The following TUSC3 variants were observed in gnomAD, a reference collection of about 807,000 sequenced individuals.
The protein encoded by TUSC3 is dolichyl-diphosphooligosaccharide--protein glycosyltransferase subunit TUSC3.
In TUSC3, 45 loss-of-function variants were observed where a neutral mutation model predicts 44.8. The ratio of observed to expected loss-of-function variants is 1.00; its 90% CI spans 0.79 to 1.29. The LOEUF is 1.29. Ranked by LOEUF, TUSC3 falls within the 50% of genes most tolerant of loss-of-function variation. The pLI is 0.00. For missense variants in TUSC3, 519 were observed against 437.9 expected, an observed-to-expected ratio of 1.19 and a Z score of -1.65; for synonymous variants, 212 against 152.9, an observed-to-expected ratio of 1.39 and a Z score of -2.85.
downstream of TUSC3, among the ~76,000 whole-genome samples, chr8:15,769,808 G>A (rs1018063809): frequency 6.6e-6 from 1 of 152,138 alleles, no homozygotes; most frequent in Admixed American, 6.5e-5. Context: ...GCCCACAAAC[G>A]TTAAAGAAAG....
chr8:15,591,009 A>G (rs1803813311), intron 1 of TUSC3, among the ~76,000 whole-genome samples: 1 of 152,182 alleles, frequency 6.6e-6, no homozygotes, highest in African/African-American at 2.4e-5. Flanking sequence ...ATAAAGAAGT[A>G]GGAGAAATCT....
rs566052201 is a variant in TUSC3 at position 15,609,929 on chromosome 8, C to G, written c.139-13151C>G. 2.6e-5 allele frequency among the ~76,000 whole-genome samples: 4 copies of G among 152,044 alleles called. No homozygotes were observed. The South Asian group carries it at 8.3e-4, about 32-fold the overall frequency. ...ATATTACCTTCTATCTTTCCACTTA[C>G]TGTTATGATATAATTTTCTTACTAG... On this transcript the variant is annotated intron_variant, in intron 1 of 10. Transcript: ENST00000503731.
chr8:15,809,636 A>G, the TUSC3 span, among the ~76,000 whole-genome samples: 1 of 152,214 alleles, frequency 6.6e-6, no homozygotes, highest in African/African-American at 2.4e-5. Flanking sequence ...CAGAATAATT[A>G]TAACAATATG....
intron 1 of TUSC3, among the ~76,000 whole-genome samples, chr8:15,434,482 TA>T (rs1244580928): frequency 3.3e-5 from 5 of 152,064 alleles, no homozygotes; most frequent in Non-Finnish European, 7.4e-5. Context: ...CTAGTTGTTT[TA>T]TTCACTAACC....
At chr8:15,462,966 G>A (rs1461158748) in intron 1 of TUSC3, among the ~76,000 whole-genome samples, 1 of 152,022 alleles carries the variant, frequency 6.6e-6, no homozygotes, top group Non-Finnish European at 1.5e-5. Context: ...TAAAAAGAAT[G>A]TATTTGGGCA....
chr8:15,660,998 C>G (rs1262856622), intron 4 of TUSC3, among the ~76,000 whole-genome samples: 2 of 150,868 alleles, frequency 1.3e-5, no homozygotes, highest in Non-Finnish European at 3.0e-5. Flanking sequence ...CAATGTATAC[C>G]CTTTATTTAG....
At chr8:15,576,279 G>GT (rs1175068882) in intron 1 of TUSC3, among the ~76,000 whole-genome samples, 3,531 of 104,460 alleles carry the variant, frequency 0.034, 58 homozygotes, top group East Asian at 0.079. Flanking sequence ...TGGTCCTCTT[G>GT]TTTTTTTTTT....
chr8:15,621,140 C>G (rs1805227426), intron 1 of TUSC3, among the ~76,000 whole-genome samples: 1 of 152,104 alleles, frequency 6.6e-6, no homozygotes, highest in East Asian at 1.9e-4. Context: ...CATAGAGGGT[C>G]ACAGTCTCTA....
At chr8:15,704,270 T>TA (rs1809526501) in intron 6 of TUSC3, among the ~76,000 whole-genome samples, 1 of 151,112 alleles carries the variant, frequency 6.6e-6, no homozygotes, top group East Asian at 2.0e-4. Flanking sequence ...TTTTTTTTTT[T>TA]TTGGAATAGC....
the TUSC3 span, among the ~76,000 whole-genome samples, chr8:15,851,485 GA>G: frequency 6.6e-6 from 1 of 152,144 alleles, no homozygotes; most frequent in Non-Finnish European, 1.5e-5. Context: ...CACATATAGA[GA>G]AAACTGCAAG....
the TUSC3 span, among the ~76,000 whole-genome samples, chr8:15,805,211 C>G: frequency 6.6e-6 from 1 of 152,182 alleles, no homozygotes; most frequent in African/African-American, 2.4e-5. Context: ...AGTTGTTTAT[C>G]AGGATCCAGG....
At chr8:15,757,695 A>G (rs1811984576) in intron 9 of TUSC3, 96 bp from the exon 10 acceptor site, 1 of 1,423,164 alleles carries the variant, frequency 7.0e-7, no homozygotes, top group Admixed American at 1.7e-5. Context: ...TAAAGAATGT[A>G]GTGCTAAATC....
At chr8:15,442,268 G>C (rs1800030633) in intron 1 of TUSC3, among the ~76,000 whole-genome samples, 1 of 151,650 alleles carries the variant, frequency 6.6e-6, no homozygotes, top group Non-Finnish European at 1.5e-5. Flanking sequence ...ATAATTTTAA[G>C]TTACATTATT....
intron 2 of TUSC3, among the ~76,000 whole-genome samples, chr8:15,524,178 T>G (rs1465863516): frequency 6.6e-6 from 1 of 152,128 alleles, no homozygotes; most frequent in Non-Finnish European, 1.5e-5. Flanking sequence ...ACGGTTGTGA[T>G]CATACTGCAT....
At chr8:15,424,609 G>A (rs1035415559) in intron 1 of TUSC3, among the ~76,000 whole-genome samples, 8 of 152,134 alleles carry the variant, frequency 5.3e-5, no homozygotes, top group African/African-American at 1.2e-4. Flanking sequence ...GGCTGGATGC[G>A]GTGGCTTACG....
intron 1 of TUSC3, among the ~76,000 whole-genome samples, chr8:15,427,135 C>T (rs1446132429): frequency 6.7e-6 from 1 of 150,308 alleles, no homozygotes; most frequent in Non-Finnish European, 1.5e-5. Flanking sequence ...AAATTAACCC[C>T]TTATGAGATA....
intron 6 of TUSC3, among the ~76,000 whole-genome samples, chr8:15,713,679 A>T (rs1009444504): frequency 2.0e-5 from 3 of 151,826 alleles, no homozygotes; most frequent in Admixed American, 1.3e-4. Flanking sequence ...CATGGTCTTT[A>T]CTCAGTGCAT....
chr8:15,598,861 C>T (rs1835137), intron 1 of TUSC3, among the ~76,000 whole-genome samples: 38,245 of 151,500 alleles, frequency 0.25, 6,089 homozygotes, highest in Non-Finnish European at 0.35. Flanking sequence ...GTCTTGGTTG[C>T]TTCTGAGTTT....
chr8:15,451,945 A>T (rs1264092128), intron 1 of TUSC3, among the ~76,000 whole-genome samples: 1 of 152,128 alleles, frequency 6.6e-6, no homozygotes, highest in African/African-American at 2.4e-5. Flanking sequence ...ATACAGTAGC[A>T]TTTTCAGTTT....
Sources: allele counts gnomAD v4.1 joint callset (sites outside exome capture counted in the v4.1 genomes callset), GRCh38; gene constraint gnomAD v4.1.1; transcripts MANE v1.5; gene names NCBI Gene and HGNC (gene_info 2026-07-23, HGNC 2026-07-21).